The following SBF1 variants were observed in gnomAD, a reference collection of about 807,000 sequenced individuals.
The protein encoded by SBF1 is myotubularin-related protein 5.
In SBF1, 65 loss-of-function variants were observed where a neutral mutation model predicts 215.8. The observed-to-expected ratio is 0.30, with a 90% CI of 0.25 to 0.37. The LOEUF (loss-of-function observed/expected upper bound fraction) is 0.37. SBF1 is among the 10% of genes least tolerant of loss of function. SBF1 has a pLI of 1.00. For missense variants in SBF1, 2,634 were observed against 2,667.8 expected (o/e 0.99, Z 0.28); for synonymous variants, 1,410 against 1,122.8 (o/e 1.26, Z -5.11).
At chr22:50,460,755 C>G (rs1422908850) in intron 23 of SBF1, 43 bp from the exon 24 acceptor site, 2 of 1,584,252 alleles carry the variant, frequency 1.3e-6, no homozygotes, top group Non-Finnish European at 1.7e-6. Context: ...GGTGGCCCCC[C>G]AGCCCCTCCC....
Position 50,465,133 on chromosome 22 carries a change from G to A in SBF1, c.1204-4C>T, listed in dbSNP as rs778630786. ...CACGCTGGCCCAGGAAGGCTGCCTG[G>A]ATGACAGAAGGAGGTCGGTCCCTCA... On this transcript the variant is annotated splice_polypyrimidine_tract_variant and splice_region_variant and intron_variant, in intron 11 of 40. Coordinates refer to ENST00000380817, the MANE Select transcript of SBF1 (RefSeq NM_002972.4). 10 of 1,614,010 alleles carry A rather than the reference G, an allele frequency of 6.2e-6. No homozygotes were observed. The highest frequency in any genetic ancestry group is 7.6e-6 in the Non-Finnish European group (9 of 1,179,988).
chr22:50,457,891 C>T (rs1414435766), intron 28 of SBF1, among the ~76,000 whole-genome samples: 1 of 152,236 alleles, frequency 6.6e-6, no homozygotes, highest in Non-Finnish European at 1.5e-5. Context: ...ACAATGCCAG[C>T]CCAACACGCC....
At position 50,465,498 on chromosome 22, in the gene SBF1, A is replaced by G. The variant is rs570196393; in HGVS notation, c.1090-170T>C. Among the ~76,000 whole-genome samples, 34 of 152,238 alleles carry G rather than the reference A, an allele frequency of 2.2e-4. No individual in the cohort carries two copies. In the South Asian group the frequency reaches 4.4e-3, roughly 19 times the overall value. ...CCAGCTCCTCTGAAACTGTCTGGAC[A>G]AGGCACTCCTGGCTCAGCACCCTCA... On this transcript the variant is annotated intron_variant, in intron 10 of 40. Transcript: ENST00000380817.
Position 50,462,708 on chromosome 22 carries a change from G to T in SBF1, c.1978C>A (p.Pro660Thr). The T allele has an allele frequency of 6.2e-7, 1 of 1,611,658 alleles. No homozygotes were observed. Among genetic ancestry groups the T allele is most frequent in the Non-Finnish European group, 8.5e-7 (1 of 1,179,326 alleles). Residue 660 changes from proline to threonine, a missense_variant, in exon 18 of 41, where the codon CCG becomes ACG. Transcript: ENST00000380817. Reference protein sequence around the residue: ...LVTAFCRKLSPGVTQFAYSCV... With the variant: ...LVTAFCRKLSTGVTQFAYSCV... ...CTGTATGCAAACTGCGTCACCCCCG[G>T]GCTCAGCTTCTGCAGGAGCCAGGGG...
chr22:50,460,799 C>T (rs928224210), intron 23 of SBF1, 87 bp from the exon 24 acceptor site: 10 of 1,406,900 alleles, frequency 7.1e-6, no homozygotes, highest in South Asian at 1.3e-5. Flanking sequence ...CCCTTCCCCT[C>T]GCAGCCATGA....
Position 50,455,328 on chromosome 22 carries a change from G to A in SBF1, c.4450C>T (p.Leu1484=). The A allele has an allele frequency of 6.2e-7, 1 of 1,613,544 alleles. No homozygotes were observed. The highest frequency in any genetic ancestry group is 1.3e-5 in the African/African-American group (1 of 75,058). The change falls in exon 33 of 41, where the codon CTG becomes TTG. Residue 1484 remains leucine, a synonymous_variant. Coordinates refer to ENST00000380817, the MANE Select transcript of SBF1 (RefSeq NM_002972.4). ...GFRLLVEKEW[L]SFGHRFSHRG... is the part of the protein sequence containing the mutation. Reference sequence around the variant, plus strand: ...TGGCTGAAGCGATGGCCGAAGGACAGCCACTCCTTCTCCACCAGCAGGCGA... The same window carrying A: ...TGGCTGAAGCGATGGCCGAAGGACAACCACTCCTTCTCCACCAGCAGGCGA...
chr22:50,459,743 G>C (rs1297177888), intron 26 of SBF1, 77 bp from the exon 27 acceptor site: 6 of 1,456,744 alleles, frequency 4.1e-6, no homozygotes, highest in Non-Finnish European at 2.7e-6. Flanking sequence ...AGGGCAAGAG[G>C]AGCCAGCCCA....
chr22:50,466,781 G>T, intron 5 of SBF1, 71 bp from the exon 6 acceptor site: 1 of 1,113,512 alleles, frequency 9.0e-7, no homozygotes, highest in Non-Finnish European at 1.3e-6. Context: ...AGAGCTCTGT[G>T]TCCCCAGGCA....
chr22:50,454,011 G>A (rs1569509755), intron 36 of SBF1, among the ~76,000 whole-genome samples: 1 of 152,108 alleles, frequency 6.6e-6, no homozygotes, highest in Admixed American at 6.5e-5. Flanking sequence ...CTCCCTCCCA[G>A]GCATCTCTGC....
chr22:50,465,267 C>A lies in SBF1; in HGVS notation c.1151G>T (p.Trp384Leu). The change falls in exon 11 of 41, where the codon TGG (tryptophan) becomes TTG (leucine). Residue 384 changes from tryptophan (W) to leucine (L), a missense_variant. Physicochemically the swap from Trp to Leu is moderately conservative, Grantham distance 61. Transcript: ENST00000380817. ...LFAQLLQGYR[W>L]CLHVVRIHPE... is the part of the protein sequence containing the mutation. ...GTGGATGCGCACGACGTGCAGGCAC[C>A]AGCGATAGCCCTGCAGCAGCTGAGC... is the stretch of plus-strand genomic sequence containing the variant. The A allele has an allele frequency of 2.5e-6, 4 of 1,611,086 alleles. No homozygotes were observed. The highest frequency in any genetic ancestry group is 3.4e-6 in the Non-Finnish European group (4 of 1,179,142).
intron 28 of SBF1, among the ~76,000 whole-genome samples, 154 bp downstream of exon 28, chr22:50,459,101 C>G (rs1015155736): frequency 3.3e-5 from 5 of 152,148 alleles, no homozygotes; most frequent in Admixed American, 3.3e-4. Flanking sequence ...CGCCCCTGCC[C>G]CACGGCACCC....
At chr22:50,456,083 G>A (rs950136547) in intron 31 of SBF1, 133 bp downstream of exon 31, 37 of 949,152 alleles carry the variant, frequency 3.9e-5, no homozygotes, top group Admixed American at 1.4e-4. Context: ...GAGCCTGGGT[G>A]GGAAGTGGCT....
chr22:50,470,490 G>C (rs2067958113), intron 1 of SBF1, among the ~76,000 whole-genome samples: 1 of 152,082 alleles, frequency 6.6e-6, no homozygotes, highest in South Asian at 2.1e-4. Flanking sequence ...TGGCCCAATG[G>C]CCCAAGTGGG....
chr22:50,470,126 T>C (rs1603435034), intron 1 of SBF1, among the ~76,000 whole-genome samples: 1 of 147,064 alleles, frequency 6.8e-6, no homozygotes, highest in Non-Finnish European at 1.5e-5. Flanking sequence ...CTGCGGCTCC[T>C]CCCCCACCCC....
intron 1 of SBF1, among the ~76,000 whole-genome samples, chr22:50,472,613 G>A (rs1416166405): frequency 1.3e-5 from 2 of 152,310 alleles, no homozygotes; most frequent in East Asian, 1.9e-4. Flanking sequence ...AGGTTAGCAT[G>A]ACTCACTCCA....
intron 1 of SBF1, 89 bp downstream of exon 1, chr22:50,474,697 C>T (rs2068115390): frequency 3.5e-6 from 4 of 1,134,688 alleles, no homozygotes; most frequent in Middle Eastern, 3.0e-4. Flanking sequence ...CGGCCCCCAG[C>T]CCCCGGCCCT....
chr22:50,467,072 G>A (rs2067796981), intron 5 of SBF1: 2 of 587,566 alleles, frequency 3.4e-6, no homozygotes, highest in African/African-American at 1.9e-5. Flanking sequence ...GCAGGGAGCA[G>A]ACAAACAAGC....
At chr22:50,448,696 G>A in intron 36 of SBF1, 46 bp from the exon 37 acceptor site, 1 of 1,464,204 alleles carries the variant, frequency 6.8e-7, no homozygotes, top group African/African-American at 1.4e-5. Context: ...GAAATATCCA[G>A]ACTAGAGCAC....
intron 1 of SBF1, among the ~76,000 whole-genome samples, chr22:50,469,447 C>T (rs775831042): frequency 1.4e-4 from 22 of 152,238 alleles, no homozygotes; most frequent in Non-Finnish European, 1.6e-4. Flanking sequence ...AGGTCCCTGC[C>T]TGTGGCTCAC....
Sources: gnomAD v4.1 joint callset for allele counts (sites outside exome capture counted in the v4.1 genomes callset) on GRCh38, gnomAD v4.1.1 for gene constraint, MANE v1.5 for transcripts, NCBI Gene and HGNC (gene_info 2026-07-23, HGNC 2026-07-21) for gene names.